The following SCAMP4 variants were observed in gnomAD, a reference collection of about 807,000 sequenced individuals.
SCAMP4 encodes the protein secretory carrier-associated membrane protein 4.
In SCAMP4, 19 loss-of-function variants were observed where a neutral mutation model predicts 32.1. That is an observed-to-expected ratio of 0.59 (90% confidence interval 0.41 to 0.87). The LOEUF (loss-of-function observed/expected upper bound fraction) is 0.87, where lower values mean the gene tolerates loss of function less well. Ranked by LOEUF, SCAMP4 falls within the 40% of genes least tolerant of loss-of-function variation. SCAMP4 has a pLI of 0.00. For synonymous variants in SCAMP4, 152 were observed against 132.7 expected (o/e 1.15, Z -1.00); for missense variants, 302 against 309.0 (o/e 0.98, Z 0.17).
chr19:1,924,615 G>A lies in SCAMP4; in HGVS notation c.*331G>A, dbSNP rs934677551. On this transcript the variant is annotated 3_prime_UTR_variant, in exon 7 of 7. Coordinates refer to ENST00000316097, the MANE Select transcript of SCAMP4 (RefSeq NM_079834.4). ...TTCAGGTCTCGAGGCCTGACTCCGG[G>A]GGACAGGTGGCAGCAGGTCGGCCGC... 3.1e-6 allele frequency: 1 copy of A among 321,436 alleles called. No homozygotes were observed. Among genetic ancestry groups the A allele is most frequent in the Non-Finnish European group, 6.1e-6 (1 of 163,670 alleles). 19.9% of individuals were successfully genotyped at this position (321,436 alleles called of 1,614,324 possible). A position where few individuals can be genotyped will look rare whatever the true frequency, so the allele number is the denominator to read the frequency against.
chr19:1,919,197 T>G (rs1043931751), intron 5 of SCAMP4: 12 of 1,414,738 alleles, frequency 8.5e-6, no homozygotes, highest in Non-Finnish European at 1.1e-5. Context: ...TTCGCGATTG[T>G]AGGCACTCTC....
chr19:1,912,502 G>C, intron 1 of SCAMP4: 2 of 1,496,352 alleles, frequency 1.3e-6, no homozygotes, highest in Non-Finnish European at 1.8e-6. Flanking sequence ...CCTCTGACCA[G>C]GGGCCAGTTC....
intron 1 of SCAMP4, chr19:1,911,964 TGGTGGCAGCACGCCCTGCCTTGTG>T (rs1007448888): frequency 1.6e-4 from 225 of 1,402,122 alleles, no homozygotes; most frequent in Non-Finnish European, 2.0e-4. Flanking sequence ...GCCTCAGCTT[TGGTGGCAGCACGCCCTGCCTTGTG>T]GAGCCACGGC....
intron 1 of SCAMP4, chr19:1,912,658 C>T: frequency 7.1e-7 from 1 of 1,415,642 alleles, no homozygotes. Context: ...CGGCGGGCAG[C>T]AGCGCGGGGC....
At position 1,912,753 on chromosome 19, in the gene SCAMP4, C is replaced by T; in HGVS notation, c.-41-2226C>T. ...CCACGACTGCAGCTGCGCGGACAAC[C>T]CCCTCCTGCACGCCGTCATGGTGTG... On this transcript the variant is annotated intron_variant, in intron 1 of 6. Transcript: ENST00000316097. 2 of 1,551,292 alleles carry T rather than the reference C, an allele frequency of 1.3e-6. No individual in the cohort carries two copies. The highest frequency in any genetic ancestry group is 1.9e-5 in the Admixed American group (1 of 53,586).
chr19:1,911,774 C>T lies in SCAMP4; in HGVS notation c.-41-3205C>T, dbSNP rs1443559515. On this transcript the variant is annotated intron_variant, in intron 1 of 6. Transcript: ENST00000316097. Reference sequence around the variant, plus strand: ...CTCCAGCCTGGGCGACAGCGAGACTCCGTCTCAGAAGTAAAAAAATAAAAT... The same window carrying T: ...CTCCAGCCTGGGCGACAGCGAGACTTCGTCTCAGAAGTAAAAAAATAAAAT... 3 of 335,484 alleles carry T rather than the reference C, an allele frequency of 8.9e-6. No individual in the cohort carries two copies. The East Asian group carries it at 1.4e-4, about 15-fold the overall frequency. The allele number at this position is 335,484 out of a possible 1,614,324, so 20.8% of individuals were successfully genotyped here.
At chr19:1,920,676 T>C (rs2013890853) in intron 5 of SCAMP4, 1 of 985,348 alleles carries the variant, frequency 1.0e-6, no homozygotes, top group Admixed American at 6.1e-5. Context: ...AAGGCACTGC[T>C]CGTCATCCTC....
intron 1 of SCAMP4, 23 bp from the exon 2 acceptor site, chr19:1,914,956 G>C: frequency 7.5e-6 from 12 of 1,610,250 alleles, no homozygotes; most frequent in Non-Finnish European, 1.0e-5. Flanking sequence ...AGGGTTCCCT[G>C]ACTGTGGTTG....
chr19:1,913,167 C>T lies in SCAMP4; in HGVS notation c.-41-1812C>T, dbSNP rs760052571. On this transcript the variant is annotated intron_variant, in intron 1 of 6. Transcript: ENST00000316097. ...CGACACGTAGGCGCCGCCCTCCTGC[C>T]TCCGGACCCTTCCCGCTCCCGGCCG... 13 of 1,506,750 alleles carry T rather than the reference C, an allele frequency of 8.6e-6. No individual in the cohort carries two copies. The African/African-American group carries it at 1.1e-4, about 13-fold the overall frequency. The allele number at this position is 1,506,750 out of a possible 1,614,324, so 93.3% of individuals were successfully genotyped here.
At chr19:1,920,298 G>A in intron 5 of SCAMP4, 2 of 985,330 alleles carry the variant, frequency 2.0e-6, no homozygotes, top group South Asian at 9.4e-5. Flanking sequence ...CCATTAGCAA[G>A]CTCCTGTTCT....
chr19:1,921,720 G>A, intron 5 of SCAMP4: 2 of 985,182 alleles, frequency 2.0e-6, no homozygotes, highest in Middle Eastern at 5.2e-4. Context: ...GCTGACGCCT[G>A]TAATCCCAGC....
At chr19:1,906,963 A>G (rs2013157102) in intron 1 of SCAMP4, 2 of 151,778 alleles carry the variant, frequency 1.3e-5, no homozygotes, top group Non-Finnish European at 2.9e-5. Flanking sequence ...CTAGGCAGGT[A>G]TATCACAAGG....
At chr19:1,912,829 C>G (rs771673598) in intron 1 of SCAMP4, 4 of 1,591,238 alleles carry the variant, frequency 2.5e-6, no homozygotes, top group African/African-American at 1.3e-5. Flanking sequence ...GACTTCAGAC[C>G]CTTCCCCGCC....
intron 2 of SCAMP4, chr19:1,915,469 C>A (rs1198941814): frequency 4.5e-6 from 1 of 220,212 alleles, no homozygotes; most frequent in Non-Finnish European, 9.2e-6. Context: ...GCTGGCTGAG[C>A]AGAAGCTCCT....
rs556261133 is a variant in SCAMP4 at position 1,912,969 on chromosome 19, G to A, written c.-41-2010G>A. 476 of 1,609,698 alleles carry A rather than the reference G, an allele frequency of 3.0e-4. 11 individuals are homozygous for A. The South Asian group carries it at 5.0e-3, about 17-fold the overall frequency. On this transcript the variant is annotated intron_variant, in intron 1 of 6. Coordinates refer to ENST00000316097, the MANE Select transcript of SCAMP4 (RefSeq NM_079834.4). Reference sequence around the variant, plus strand: ...CCTGTACGTGACCCGCGAGCCCTGCGCCATGTGCGCCATGGCCCTGGTGCA... The same window carrying A: ...CCTGTACGTGACCCGCGAGCCCTGCACCATGTGCGCCATGGCCCTGGTGCA...
chr19:1,917,825 G>A lies in SCAMP4; in HGVS notation c.136+3G>A, dbSNP rs755184023. The A allele has an allele frequency of 2.5e-6, 4 of 1,613,788 alleles. No homozygotes were observed. Among genetic ancestry groups the A allele is most frequent in the Non-Finnish European group, 3.4e-6 (4 of 1,179,904 alleles). On this transcript the variant is annotated splice_donor_region_variant and intron_variant, in intron 3 of 6. Coordinates refer to ENST00000316097, the MANE Select transcript of SCAMP4 (RefSeq NM_079834.4). ...GAGGATCTACCGGCTGTGGATGTGT[G>A]AGTGCGCCTGGGGGCAGGAGGCGGG...
intron 5 of SCAMP4, chr19:1,920,499 C>A (rs2145456659): frequency 2.6e-6 from 2 of 759,774 alleles, no homozygotes; most frequent in East Asian, 1.3e-4. Flanking sequence ...GTTTGTGCAC[C>A]CCTCGGATGT....
At chr19:1,906,866 T>TTTGTGTGTGTGTGTGTGTGTG (rs1555836654) in intron 1 of SCAMP4, 2 of 130,092 alleles carry the variant, frequency 1.5e-5, no homozygotes, top group African/African-American at 6.1e-5. Flanking sequence ...AAAAAAAAAA[T>TTTGTGTGTGTGTGTGTGTGTG]TGTGTGTGTG....
intron 1 of SCAMP4, chr19:1,912,672 C>A (rs1009299575): frequency 4.2e-6 from 6 of 1,437,706 alleles, no homozygotes; most frequent in Admixed American, 3.0e-5. Context: ...GCGGGGCTTG[C>A]GGGCCGTGGG....
Sources: allele counts gnomAD v4.1 joint callset, GRCh38; gene constraint gnomAD v4.1.1; transcripts MANE v1.5; gene names NCBI Gene and HGNC (gene_info 2026-07-23, HGNC 2026-07-21).